The following ZNF804B variants were observed in gnomAD, a reference collection of about 807,000 sequenced individuals.
ZNF804B encodes zinc finger protein 804B.
A neutral mutation model predicts 101.4 loss-of-function variants in ZNF804B; 80 were observed. That is an observed-to-expected ratio of 0.79 (90% CI 0.66 to 0.95). The LOEUF (loss-of-function observed/expected upper bound fraction) is 0.95. Ranked by LOEUF, ZNF804B falls within the 40% of genes least tolerant of loss-of-function variation. ZNF804B has a pLI of 0.00. For missense variants in ZNF804B, 1,673 were observed against 1,561.9 expected (o/e 1.07, Z -1.20); for synonymous variants, 622 against 558.8 (o/e 1.11, Z -1.59).
chr7:89,104,994 G>T (rs773233983), intron 1 of ZNF804B, among the ~76,000 whole-genome samples: 1 of 152,258 alleles, frequency 6.6e-6, no homozygotes, highest in African/African-American at 2.4e-5. Flanking sequence ...ACCCATTTTA[G>T]TAAAGGTTTC....
At chr7:89,005,423 A>C (rs1788358961) in intron 1 of ZNF804B, among the ~76,000 whole-genome samples, 1 of 152,086 alleles carries the variant, frequency 6.6e-6, no homozygotes, top group Non-Finnish European at 1.5e-5. Context: ...AAGGTTATAG[A>C]ACATTTTTAA....
chr7:89,196,832 T>A (rs1434055194), intron 1 of ZNF804B, among the ~76,000 whole-genome samples: 1 of 151,696 alleles, frequency 6.6e-6, no homozygotes, highest in Non-Finnish European at 1.5e-5. Context: ...CTTCTCAAAA[T>A]AAGACATATG....
chr7:88,787,870 A>C (rs905166822), intron 1 of ZNF804B, among the ~76,000 whole-genome samples: 4 of 152,300 alleles, frequency 2.6e-5, no homozygotes, highest in East Asian at 1.9e-4. Context: ...GAGTAGGAAG[A>C]AGAAATTGGA....
At chr7:89,001,743 C>T (rs1421310460) in intron 1 of ZNF804B, among the ~76,000 whole-genome samples, 2 of 151,810 alleles carry the variant, frequency 1.3e-5, no homozygotes, top group Non-Finnish European at 2.9e-5. Context: ...TATTAATACA[C>T]TGTTATGTCA....
intron 2 of ZNF804B, among the ~76,000 whole-genome samples, chr7:89,231,699 A>G (rs189305221): frequency 1.6e-4 from 24 of 152,028 alleles, no homozygotes; most frequent in Admixed American, 1.6e-3. Flanking sequence ...ATGCTATTTG[A>G]AAGGGAATTT....
At chr7:89,075,171 G>A (rs891592337) in intron 1 of ZNF804B, among the ~76,000 whole-genome samples, 1 of 152,162 alleles carries the variant, frequency 6.6e-6, no homozygotes, top group Non-Finnish European at 1.5e-5. Flanking sequence ...AATTCAAGCT[G>A]GCTTCAGAAA....
intron 1 of ZNF804B, among the ~76,000 whole-genome samples, chr7:88,980,774 C>T (rs2116132313): frequency 6.6e-6 from 1 of 152,132 alleles, no homozygotes; most frequent in South Asian, 2.1e-4. Context: ...GAAGACAGTT[C>T]AGCACTGGGT....
At chr7:88,830,497 T>C (rs1791115609) in intron 1 of ZNF804B, among the ~76,000 whole-genome samples, 1 of 152,032 alleles carries the variant, frequency 6.6e-6, no homozygotes, top group Non-Finnish European at 1.5e-5. Context: ...ATAACCTTCT[T>C]TTTATACTCA....
At chr7:88,914,529 C>A (rs1285476245) in intron 1 of ZNF804B, among the ~76,000 whole-genome samples, 8 of 152,172 alleles carry the variant, frequency 5.3e-5, no homozygotes, top group Admixed American at 5.2e-4. Context: ...ATTTTAGCAA[C>A]TCCCTTGCCT....
At position 88,871,315 on chromosome 7, in the gene ZNF804B, C is replaced by T. The variant is rs143654342; in HGVS notation, c.108+111231C>T. On this transcript the variant is annotated intron_variant, in intron 1 of 3. Coordinates refer to ENST00000333190, the MANE Select transcript of ZNF804B (RefSeq NM_181646.5). ...TGAAGACTATGCAGGCATACAAAGG[C>T]TCCTAAGTTCAGTACAATTAAGGGG... 2.1e-3 allele frequency among the ~76,000 whole-genome samples: 320 copies of T among 151,988 alleles called. 2 individuals carry two copies. Among genetic ancestry groups the T allele is most frequent in the African/African-American group, 7.6e-3 (313 of 41,452 alleles).
intron 1 of ZNF804B, among the ~76,000 whole-genome samples, chr7:88,875,170 G>A (rs925637265): frequency 2.8e-5 from 4 of 142,990 alleles, no homozygotes; most frequent in South Asian, 2.3e-4. Flanking sequence ...GTGTGTAGAG[G>A]GAAATTTATA....
chr7:88,926,587 G>A (rs1026369995), intron 1 of ZNF804B, among the ~76,000 whole-genome samples: 1 of 152,030 alleles, frequency 6.6e-6, no homozygotes, highest in Non-Finnish European at 1.5e-5. Flanking sequence ...CAGCCTGGGT[G>A]ACAGAGTGAG....
chr7:88,766,270 A>G (rs1789982102), intron 1 of ZNF804B, among the ~76,000 whole-genome samples: 1 of 152,166 alleles, frequency 6.6e-6, no homozygotes, highest in Non-Finnish European at 1.5e-5. Flanking sequence ...TAATAAGGCC[A>G]CTTCACTGCA....
intron 1 of ZNF804B, among the ~76,000 whole-genome samples, chr7:88,840,782 G>A (rs1791283261): frequency 6.6e-6 from 1 of 152,110 alleles, no homozygotes; most frequent in Admixed American, 6.6e-5. Flanking sequence ...GTGTTATGAG[G>A]TGTGATGAAC....
intron 1 of ZNF804B, among the ~76,000 whole-genome samples, chr7:88,881,118 A>G (rs1382997443): frequency 2.0e-5 from 3 of 152,110 alleles, no homozygotes; most frequent in Admixed American, 2.0e-4. Context: ...TTGTGGAGAT[A>G]TTTAAAATTA....
intron 1 of ZNF804B, among the ~76,000 whole-genome samples, chr7:88,880,061 A>C (rs1476718598): frequency 6.6e-6 from 1 of 150,906 alleles, no homozygotes; most frequent in Non-Finnish European, 1.5e-5. Flanking sequence ...AAAAAAAAAA[A>C]CCACTTATCT....
At chr7:89,172,296 G>A (rs1791249310) in intron 1 of ZNF804B, among the ~76,000 whole-genome samples, 1 of 152,106 alleles carries the variant, frequency 6.6e-6, no homozygotes, top group South Asian at 2.1e-4. Flanking sequence ...GAGGGCACCA[G>A]TTTGCAGTAG....
At chr7:89,173,916 T>A (rs1336683257) in intron 1 of ZNF804B, among the ~76,000 whole-genome samples, 2 of 152,098 alleles carry the variant, frequency 1.3e-5, no homozygotes, top group African/African-American at 2.4e-5. Flanking sequence ...TCTTTTTTAA[T>A]GTTCAAATGA....
At chr7:88,877,059 T>A (rs1269100602) in intron 1 of ZNF804B, among the ~76,000 whole-genome samples, 38 of 69,094 alleles carry the variant, frequency 5.5e-4, no homozygotes, top group African/African-American at 2.7e-3. Context: ...ATTTTTTTTT[T>A]TTTTTTTTTT....
Sources: allele counts gnomAD v4.1 joint callset (sites outside exome capture counted in the v4.1 genomes callset), GRCh38; gene constraint gnomAD v4.1.1; transcripts MANE v1.5; gene names NCBI Gene and HGNC (gene_info 2026-07-23, HGNC 2026-07-21).